The following PRKN variants were observed in gnomAD, a reference collection of about 807,000 sequenced individuals.
PRKN encodes E3 ubiquitin-protein ligase parkin.
In PRKN, 56 loss-of-function variants were observed where a neutral mutation model predicts 59.5. That is an observed-to-expected ratio of 0.94 (90% CI 0.76 to 1.18). PRKN has a LOEUF of 1.18. Ranked by LOEUF, PRKN falls within the 50% of genes most tolerant of loss-of-function variation. PRKN has a pLI of 0.00. For synonymous variants in PRKN, 250 were observed against 222.1 expected, an observed-to-expected ratio of 1.13 and a Z score of -1.12; for missense variants, 657 against 596.4, an observed-to-expected ratio of 1.10 and a Z score of -1.06.
At chr6:162,298,868 C>T (rs1056547334) in intron 2 of PRKN, among the ~76,000 whole-genome samples, 4 of 152,100 alleles carry the variant, frequency 2.6e-5, no homozygotes, top group Non-Finnish European at 5.9e-5. Flanking sequence ...GAAGCCTGGA[C>T]CTCTGGGAGG....
At chr6:162,634,322 C>T (rs1777627996) in intron 1 of PRKN, among the ~76,000 whole-genome samples, 1 of 152,054 alleles carries the variant, frequency 6.6e-6, no homozygotes, top group African/African-American at 2.4e-5. Context: ...CTCTTCCTTC[C>T]CCACCCTTAA....
At position 162,245,300 on chromosome 6, in the gene PRKN, G is replaced by T. The variant is rs542636142; in HGVS notation, c.412+17225C>A. On this transcript the variant is annotated intron_variant, in intron 3 of 11. Coordinates refer to ENST00000366898, the MANE Select transcript of PRKN (RefSeq NM_004562.3). ...CTCAAATATTATGGTTTATTGCCCT[G>T]TAAACACTTGACAAGATTTGTATCT... 5.9e-5 allele frequency among the ~76,000 whole-genome samples: 9 copies of T among 152,072 alleles called. No individual in the cohort carries two copies. The East Asian group carries it at 1.7e-3, about 29-fold the overall frequency.
chr6:162,552,512 C>T (rs868631303), intron 1 of PRKN, among the ~76,000 whole-genome samples: 2 of 151,704 alleles, frequency 1.3e-5, no homozygotes, highest in Non-Finnish European at 2.9e-5. Flanking sequence ...CTTTTTACTT[C>T]GGCAATTATG....
intron 6 of PRKN, among the ~76,000 whole-genome samples, chr6:161,875,122 G>GTATATATTATATATAATATATATAAAGTA (rs1794683158): frequency 8.2e-6 from 1 of 122,358 alleles, no homozygotes; most frequent in African/African-American, 3.7e-5. Flanking sequence ...TATATATAAA[G>GTATATATTATATATAATATATATAAAGTA]TATATATTAT....
chr6:162,069,331 T>C (rs1778476998), intron 4 of PRKN, among the ~76,000 whole-genome samples: 1 of 152,194 alleles, frequency 6.6e-6, no homozygotes, highest in Non-Finnish European at 1.5e-5. Flanking sequence ...GCCATGATTC[T>C]GAGGCCTCCC....
chr6:162,499,157 G>A (rs1022252587), intron 1 of PRKN, among the ~76,000 whole-genome samples: 3 of 151,820 alleles, frequency 2.0e-5, no homozygotes, highest in East Asian at 1.9e-4. Flanking sequence ...CTCTCATCAC[G>A]CCCCTACTTC....
intron 4 of PRKN, among the ~76,000 whole-genome samples, chr6:162,194,258 G>A (rs1784406835): frequency 6.6e-6 from 1 of 152,116 alleles, no homozygotes; most frequent in African/African-American, 2.4e-5. Flanking sequence ...AGAAATTATT[G>A]ACCATTTTGA....
chr6:162,045,972 C>G (rs912883975), intron 5 of PRKN, among the ~76,000 whole-genome samples: 1 of 152,210 alleles, frequency 6.6e-6, no homozygotes, highest in African/African-American at 2.4e-5. Flanking sequence ...GGTATTTAAT[C>G]TTTCTTTGCT....
chr6:162,098,366 T>C lies in PRKN; in HGVS notation c.535-44192A>G, dbSNP rs188415492. On this transcript the variant is annotated intron_variant, in intron 4 of 11. Coordinates refer to ENST00000366898, the MANE Select transcript of PRKN (RefSeq NM_004562.3). ...GAGCAAAGTGAGGGGTTTTTCCTAT[T>C]TGCTTTGATTAAAAATTAATATAAA... 8.1e-4 allele frequency among the ~76,000 whole-genome samples: 123 copies of C among 152,292 alleles called. 1 individual carries two copies. Among genetic ancestry groups the C allele is most frequent in the African/African-American group, 2.8e-3 (118 of 41,562 alleles).
intron 6 of PRKN, among the ~76,000 whole-genome samples, chr6:161,872,650 C>G (rs1258549197): frequency 6.6e-6 from 1 of 152,080 alleles, no homozygotes; most frequent in African/African-American, 2.4e-5. Flanking sequence ...AAGCCATCTG[C>G]TGGGCTTAGC....
In PRKN at chr6:161,633,397, T is replaced by C. The variant is rs200840895; in HGVS notation, c.872-63981A>G. ...ACTTCACTTCATACTATATTCCCCT[T>C]AGCAACATTGAATCCTTAAGACATC... On this transcript the variant is annotated intron_variant, in intron 7 of 11. Coordinates refer to ENST00000366898, the MANE Select transcript of PRKN (RefSeq NM_004562.3). Among the ~76,000 whole-genome samples, 9 of 152,332 alleles carry C rather than the reference T, an allele frequency of 5.9e-5. No individual in the cohort carries two copies. In the East Asian group the frequency reaches 1.7e-3, roughly 29 times the overall value.
At chr6:161,817,310 T>G (rs151048513) in intron 6 of PRKN, among the ~76,000 whole-genome samples, 47 of 152,358 alleles carry the variant, frequency 3.1e-4, no homozygotes, top group African/African-American at 1.0e-3. Context: ...TGAGCCTCAC[T>G]GCAGAGCTAA....
intron 6 of PRKN, among the ~76,000 whole-genome samples, chr6:161,912,420 C>T (rs561569881): frequency 5.9e-5 from 9 of 151,972 alleles, no homozygotes; most frequent in Admixed American, 4.6e-4. Flanking sequence ...TGTACCCCCC[C>T]ACCCTCGTGA....
At chr6:161,990,587 T>C (rs1460455531) in intron 5 of PRKN, among the ~76,000 whole-genome samples, 2 of 151,938 alleles carry the variant, frequency 1.3e-5, no homozygotes, top group Non-Finnish European at 2.9e-5. Context: ...AAATCCTGGA[T>C]CTGGAGAATT....
intron 7 of PRKN, among the ~76,000 whole-genome samples, chr6:161,777,910 G>GTATACATATATACTTATA (rs1353420817): frequency 2.1e-5 from 3 of 144,958 alleles, no homozygotes; most frequent in East Asian, 3.9e-4. Context: ...ATATATATGT[G>GTATACATATATACTTATA]TATATATATG....
In PRKN at chr6:161,874,355, A is replaced by G. The variant is rs867383111; in HGVS notation, c.735-88447T>C. Among the ~76,000 whole-genome samples, 123 of 82,212 alleles carry G rather than the reference A, an allele frequency of 1.5e-3. 2 individuals are homozygous for G. Among genetic ancestry groups the G allele is most frequent in the Non-Finnish European group, 2.2e-3 (113 of 51,254 alleles). The allele number at this position is 82,212 out of a possible 152,430, so 53.9% of individuals were successfully genotyped here. On this transcript the variant is annotated intron_variant, in intron 6 of 11. Coordinates refer to ENST00000366898, the MANE Select transcript of PRKN (RefSeq NM_004562.3). ...ATGTAAAATATTATATATAAAATAT[A>G]TATTATATGTAAAATATTATATATA...
Position 161,446,731 on chromosome 6 carries a change from T to C in PRKN, c.1084-59854A>G, listed in dbSNP as rs1789508683. Among the ~76,000 whole-genome samples the C allele has an allele frequency of 6.6e-6, 1 of 152,080 alleles. No homozygotes were observed. The highest frequency in any genetic ancestry group is 6.6e-5 in the Admixed American group (1 of 15,264). On this transcript the variant is annotated intron_variant, in intron 9 of 11. Coordinates refer to ENST00000366898, the MANE Select transcript of PRKN (RefSeq NM_004562.3). This position sits in a 1 kb window ranked among gnomAD's most constrained non-coding sequence, Gnocchi z 6.2. ...TTCATCCTCATCTAATTTATAACCA[T>C]CCTCCCACACTAGGAATATGGAGCC...
chr6:162,338,414 C>T (rs540425315), intron 2 of PRKN, among the ~76,000 whole-genome samples: 6 of 152,274 alleles, frequency 3.9e-5, no homozygotes, highest in African/African-American at 1.4e-4. Context: ...AGGCACGCGC[C>T]GCCATGCCTG....
Position 162,479,203 on chromosome 6 carries a change from T to TA in PRKN, c.8-35731dup, listed in dbSNP as rs538985562. On this transcript the variant is annotated intron_variant, in intron 1 of 11. Coordinates refer to ENST00000366898, the MANE Select transcript of PRKN (RefSeq NM_004562.3). ...TTACTCTATATGCTGTTTTCCACCTTAAAAAAAAAAACAACCTTTAAAACT... is the reference window on the plus strand; with the variant it reads ...TTACTCTATATGCTGTTTTCCACCTTAAAAAAAAAAAACAACCTTTAAAACT... 2.7e-3 allele frequency among the ~76,000 whole-genome samples: 383 copies of TA among 144,300 alleles called. 1 individual carries two copies. The highest frequency in any genetic ancestry group is 0.014 in the South Asian group (64 of 4,530). The allele number at this position is 144,300 out of a possible 152,430, so 94.7% of individuals were successfully genotyped here.
Sources: allele counts gnomAD v4.1 joint callset (sites outside exome capture counted in the v4.1 genomes callset), GRCh38; gene constraint gnomAD v4.1.1; non-coding constraint Gnocchi (gnomAD v3.1); transcripts MANE v1.5; gene names NCBI Gene and HGNC (gene_info 2026-07-23, HGNC 2026-07-21).